NEDD4L: variants seen among roughly 807,000 people sequenced by gnomAD.
NEDD4L encodes the protein NEDD4 like E3 ubiquitin protein ligase.
A neutral mutation model predicts 148.9 loss-of-function variants in NEDD4L; 54 were observed. That is an observed-to-expected ratio of 0.36 (90% CI 0.29 to 0.45). The LOEUF (loss-of-function observed/expected upper bound fraction) is 0.45. Among genes scored for constraint, NEDD4L ranks in the 20% least tolerant of loss-of-function variants. The probability of loss-of-function intolerance (pLI) is 1.00; values close to 1 mark genes in which losing one functional copy is unlikely to be tolerated. For missense variants in NEDD4L, 856 were observed against 1,233.8 expected, an observed-to-expected ratio of 0.69 and a Z score of 4.59; for synonymous variants, 433 against 440.7, an observed-to-expected ratio of 0.98 and a Z score of 0.22.
chr18:58,283,997 G>A (rs2053554746), intron 5 of NEDD4L, among the ~76,000 whole-genome samples: 1 of 152,154 alleles, frequency 6.6e-6, no homozygotes, highest in African/African-American at 2.4e-5. Context: ...TACAAGGCAG[G>A]GAACTCCAAA....
rs112190104 is a variant in NEDD4L at position 58,095,922 on chromosome 18, AT to A, written c.48+51227del. Among the ~76,000 whole-genome samples, 928 of 146,756 alleles carry A rather than the reference AT, an allele frequency of 6.3e-3. 7 individuals are homozygous for A. Among genetic ancestry groups the A allele is most frequent in the Admixed American group, 7.6e-3 (112 of 14,748 alleles). Reference sequence around the variant, plus strand: ...TAAAACATTATGAGCCTTTTGTGTGATTTTTTTTTTTTTAAACTCATCAGCT... The same window carrying A: ...TAAAACATTATGAGCCTTTTGTGTGATTTTTTTTTTTTAAACTCATCAGCT... On this transcript the variant is annotated intron_variant, in intron 1 of 30. Transcript: ENST00000400345.
At chr18:58,187,978 T>C (rs190986756) in intron 2 of NEDD4L, among the ~76,000 whole-genome samples, 1 of 152,214 alleles carries the variant, frequency 6.6e-6, no homozygotes, top group Non-Finnish European at 1.5e-5. Flanking sequence ...CTACTTTGCC[T>C]CCATTTGATC....
At chr18:58,290,410 G>T (rs1344392684) in intron 5 of NEDD4L, among the ~76,000 whole-genome samples, 3 of 140,578 alleles carry the variant, frequency 2.1e-5, no homozygotes, top group African/African-American at 8.2e-5. Flanking sequence ...TAAAATAGAT[G>T]ATACTATCTG....
chr18:58,338,785 G>A (rs1435534034), intron 13 of NEDD4L, among the ~76,000 whole-genome samples: 1 of 152,108 alleles, frequency 6.6e-6, no homozygotes, highest in Non-Finnish European at 1.5e-5. Context: ...GCATGGTGGC[G>A]CTTGCGTATA....
At position 58,256,465 on chromosome 18, in the gene NEDD4L, T is replaced by C; in HGVS notation, c.297+4411T>C. 1 of 1,232,278 alleles carries C rather than the reference T, an allele frequency of 8.1e-7. No individual in the cohort carries two copies. The highest frequency in any genetic ancestry group is 1.0e-6 in the Non-Finnish European group (1 of 988,056). 76.3% of individuals were successfully genotyped at this position (1,232,278 alleles called of 1,614,324 possible). A position where few individuals can be genotyped will look rare whatever the true frequency, so the allele number is the denominator to read the frequency against. ...CAAAGGGGGACAGGTTGGTGAGGTATCCTCGCATTCGGCTGGAGAGGAGCA... is the reference window on the plus strand; with the variant it reads ...CAAAGGGGGACAGGTTGGTGAGGTACCCTCGCATTCGGCTGGAGAGGAGCA... On this transcript the variant is annotated intron_variant, in intron 5 of 30. Coordinates refer to ENST00000400345, the MANE Select transcript of NEDD4L (RefSeq NM_001144967.3). This position sits in a 1 kb window ranked among gnomAD's most constrained non-coding sequence, Gnocchi z 5.2.
chr18:58,258,737 G>A (rs1405330947), intron 5 of NEDD4L, among the ~76,000 whole-genome samples: 2 of 152,060 alleles, frequency 1.3e-5, no homozygotes, highest in African/African-American at 4.8e-5. Context: ...TTAGTAAGCT[G>A]GTTTTCTTTT....
intron 5 of NEDD4L, among the ~76,000 whole-genome samples, chr18:58,279,106 G>A (rs1282973779): frequency 6.6e-6 from 1 of 151,938 alleles, no homozygotes; most frequent in Non-Finnish European, 1.5e-5. Flanking sequence ...CAAACGCCTG[G>A]CCTCAAGTGA....
chr18:58,202,003 T>C (rs1175772797), intron 2 of NEDD4L, among the ~76,000 whole-genome samples: 1 of 152,240 alleles, frequency 6.6e-6, no homozygotes, highest in Non-Finnish European at 1.5e-5. Context: ...CCTGGGCATA[T>C]GTCATTTGGT....
chr18:58,327,815 T>C (rs957796803), intron 9 of NEDD4L, among the ~76,000 whole-genome samples: 7 of 152,238 alleles, frequency 4.6e-5, no homozygotes, highest in African/African-American at 1.4e-4. Flanking sequence ...GGATATGTTA[T>C]CTTATTGAAA....
chr18:58,050,524 G>A (rs2144482547), intron 1 of NEDD4L, among the ~76,000 whole-genome samples: 1 of 152,148 alleles, frequency 6.6e-6, no homozygotes, highest in East Asian at 1.9e-4. Flanking sequence ...ACTTTGGGAG[G>A]CCGAGGCTGG....
chr18:58,221,836 A>C, intron 2 of NEDD4L: 1 of 548,184 alleles, frequency 1.8e-6, no homozygotes, highest in Non-Finnish European at 2.3e-6. Flanking sequence ...ATGTTGGTTT[A>C]ATACTGTTTT....
intron 1 of NEDD4L, among the ~76,000 whole-genome samples, chr18:58,051,989 A>G (rs1294262907): frequency 6.6e-6 from 1 of 152,174 alleles, no homozygotes; most frequent in Non-Finnish European, 1.5e-5. Context: ...TGTGCTGTTC[A>G]CTGTTTAATG....
chr18:58,120,395 A>G (rs73442639), intron 1 of NEDD4L, among the ~76,000 whole-genome samples: 3,698 of 152,276 alleles, frequency 0.024, 129 homozygotes, highest in African/African-American at 0.082. Flanking sequence ...CCTCACTGGG[A>G]TTTGTGAGGA....
chr18:58,144,445 C>T (rs2033891720), intron 1 of NEDD4L, among the ~76,000 whole-genome samples: 1 of 152,066 alleles, frequency 6.6e-6, no homozygotes, highest in Non-Finnish European at 1.5e-5. Flanking sequence ...GAGGGATCCA[C>T]CCCCATGACC....
chr18:58,166,108 A>G (rs1183106354), intron 2 of NEDD4L, among the ~76,000 whole-genome samples: 2 of 152,208 alleles, frequency 1.3e-5, no homozygotes, highest in Non-Finnish European at 2.9e-5. Flanking sequence ...GGCTAATTTC[A>G]TGAGATTAGC....
intron 2 of NEDD4L, among the ~76,000 whole-genome samples, chr18:58,169,374 A>G (rs965749722): frequency 2.0e-5 from 3 of 152,166 alleles, no homozygotes; most frequent in African/African-American, 7.2e-5. Context: ...CAGTCATATA[A>G]TCTGTCATCT....
At chr18:58,193,809 T>A (rs1418541983) in intron 2 of NEDD4L, 1 of 152,288 alleles carries the variant, frequency 6.6e-6, no homozygotes, top group Admixed American at 6.5e-5. Flanking sequence ...AACAGCTAAG[T>A]CTTGCTCACC....
chr18:58,046,446 TTTTAAA>T (rs1263661702), intron 1 of NEDD4L: 8 of 152,190 alleles, frequency 5.3e-5, no homozygotes, highest in African/African-American at 1.9e-4. Flanking sequence ...TCCTAGGTTC[TTTTAAA>T]AAATGTTTTA....
intron 24 of NEDD4L, among the ~76,000 whole-genome samples, chr18:58,375,913 A>T (rs1413393658): frequency 6.6e-6 from 1 of 152,190 alleles, no homozygotes; most frequent in Non-Finnish European, 1.5e-5. Context: ...TTAAACTGCC[A>T]ATTTTCAAAC....
Sources: allele counts gnomAD v4.1 joint callset (sites outside exome capture counted in the v4.1 genomes callset), GRCh38; gene constraint gnomAD v4.1.1; non-coding constraint Gnocchi (gnomAD v3.1); transcripts MANE v1.5; gene names NCBI Gene and HGNC (gene_info 2026-07-23, HGNC 2026-07-21).